The following RNGTT variants were observed in gnomAD, a reference collection of about 807,000 sequenced individuals.
RNGTT encodes RNA guanylyltransferase and 5'-phosphatase, also known as mRNA-capping enzyme.
Under a neutral mutation model 79.3 loss-of-function variants are expected in RNGTT, and 33 were observed. The ratio of observed to expected loss-of-function variants is 0.42; its 90% CI spans 0.32 to 0.56. The LOEUF is 0.56. RNGTT is among the 20% of genes least tolerant of loss of function. RNGTT has a pLI of 0.17. For synonymous variants in RNGTT, 222 were observed against 235.9 expected (o/e 0.94, Z 0.54); for missense variants, 497 against 739.1 (o/e 0.67, Z 3.80).
intron 1 of RNGTT, 100 bp from the exon 2 acceptor site, chr6:88,941,280 T>A: frequency 2.6e-6 from 2 of 781,500 alleles, no homozygotes; most frequent in Non-Finnish European, 4.2e-6. Flanking sequence ...TAAAACCTTT[T>A]TTTTTGAGAC....
chr6:88,652,558 C>T (rs1302072374), intron 14 of RNGTT, among the ~76,000 whole-genome samples: 1 of 152,192 alleles, frequency 6.6e-6, no homozygotes, highest in Non-Finnish European at 1.5e-5. Flanking sequence ...CAATCTCAAA[C>T]TTCTGAAGGT....
chr6:88,768,026 T>G (rs1174031285), intron 13 of RNGTT, among the ~76,000 whole-genome samples: 1 of 152,196 alleles, frequency 6.6e-6, no homozygotes, highest in Non-Finnish European at 1.5e-5. Flanking sequence ...ATCCTTGGAT[T>G]ATAATCAGAC....
intron 14 of RNGTT, among the ~76,000 whole-genome samples, chr6:88,642,236 G>A (rs1374831966): frequency 2.0e-5 from 3 of 152,226 alleles, no homozygotes; most frequent in East Asian, 3.9e-4. Flanking sequence ...TACTAATCAT[G>A]GACCACTTTT....
intron 8 of RNGTT, among the ~76,000 whole-genome samples, chr6:88,854,860 CT>C (rs1781793487): frequency 6.6e-6 from 1 of 152,120 alleles, no homozygotes; most frequent in South Asian, 2.1e-4. Flanking sequence ...TCCAGATGGA[CT>C]GATGTTGAAG....
chr6:88,849,583 CAAT>C (rs1308346728), intron 10 of RNGTT, among the ~76,000 whole-genome samples, 169 bp downstream of exon 10: 16 of 151,606 alleles, frequency 1.1e-4, no homozygotes, highest in African/African-American at 3.9e-4. Flanking sequence ...TGAAAATTAA[CAAT>C]AAGAGAAAGA....
intron 11 of RNGTT, among the ~76,000 whole-genome samples, chr6:88,802,357 T>C (rs992378440): frequency 6.6e-6 from 1 of 152,202 alleles, no homozygotes. Context: ...AACAGTTTTT[T>C]CAATGCCATA....
intron 10 of RNGTT, among the ~76,000 whole-genome samples, chr6:88,845,398 G>T (rs1320179813): frequency 6.6e-6 from 1 of 152,198 alleles, no homozygotes; most frequent in African/African-American, 2.4e-5. Context: ...GAACACTTTT[G>T]TATGAATTGA....
At chr6:88,868,392 G>C (rs1268056875) in intron 8 of RNGTT, among the ~76,000 whole-genome samples, 1 of 152,144 alleles carries the variant, frequency 6.6e-6, no homozygotes, top group African/African-American at 2.4e-5. Flanking sequence ...GGTTTATGCA[G>C]CCACCAGTGT....
chr6:88,782,335 T>C (rs1278136652), intron 12 of RNGTT, among the ~76,000 whole-genome samples: 1 of 152,020 alleles, frequency 6.6e-6, no homozygotes, highest in Non-Finnish European at 1.5e-5. Context: ...CCAAAATATA[T>C]ACTAACTACC....
chr6:88,839,606 A>G (rs376846791), intron 11 of RNGTT, among the ~76,000 whole-genome samples: 1 of 152,150 alleles, frequency 6.6e-6, no homozygotes. Flanking sequence ...TTATGGAGAT[A>G]GTAAGAATAT....
intron 13 of RNGTT, among the ~76,000 whole-genome samples, chr6:88,683,634 A>G (rs1404194539): frequency 6.6e-6 from 1 of 152,228 alleles, no homozygotes; most frequent in African/African-American, 2.4e-5. Flanking sequence ...CAAGCCACAG[A>G]CTGGGAAAAA....
chr6:88,720,472 T>C (rs962262866), intron 13 of RNGTT, among the ~76,000 whole-genome samples: 1 of 151,998 alleles, frequency 6.6e-6, no homozygotes, highest in African/African-American at 2.4e-5. Context: ...CTGGGAACAT[T>C]CTCCTGAGTC....
At chr6:88,931,943 T>C (rs1582146098) in intron 2 of RNGTT, among the ~76,000 whole-genome samples, 1 of 152,230 alleles carries the variant, frequency 6.6e-6, no homozygotes, top group Non-Finnish European at 1.5e-5. Flanking sequence ...GCGTGAGATC[T>C]GGGCACCTTG....
chr6:88,713,635 TTA>T (rs1368275887), intron 13 of RNGTT, among the ~76,000 whole-genome samples: 3 of 152,196 alleles, frequency 2.0e-5, no homozygotes, highest in Non-Finnish European at 4.4e-5. Context: ...TGTACTATAT[TTA>T]TGTTTGTTAT....
At chr6:88,826,735 A>G (rs1780666423) in intron 11 of RNGTT, among the ~76,000 whole-genome samples, 1 of 150,390 alleles carries the variant, frequency 6.6e-6, no homozygotes, top group Non-Finnish European at 1.5e-5. Context: ...ATGAGCCAAT[A>G]TCACACCATT....
At chr6:88,942,110 A>G (rs1230269449) in intron 1 of RNGTT, among the ~76,000 whole-genome samples, 1 of 150,818 alleles carries the variant, frequency 6.6e-6, no homozygotes, top group Admixed American at 6.6e-5. Flanking sequence ...TATGCCCTAT[A>G]TGGTTTTTAT....
rs758108155 is a variant in RNGTT at position 88,904,839 on chromosome 6, G to A, written c.560C>T (p.Pro187Leu). 6.2e-7 allele frequency: 1 copy of A among 1,613,944 alleles called. No individual in the cohort carries two copies. The highest frequency in any genetic ancestry group is 8.5e-7 in the Non-Finnish European group (1 of 1,180,036). ...CTCAAAACACCAATCTGGCAATAGAGGTGGGGGTGGTGCTTCCTCTATGTC... is the reference window on the plus strand; with the variant it reads ...CTCAAAACACCAATCTGGCAATAGAAGTGGGGGTGGTGCTTCCTCTATGTC... ...YGDIEEAPPP[P>L]LLPDWCFEDD... The change falls in exon 6 of 16, where the codon CCT (proline) becomes CTT (leucine). Residue 187 changes from proline (P) to leucine (L), a missense_variant. Pro to Leu is a moderately conservative substitution (Grantham distance 98). Coordinates refer to ENST00000369485, the MANE Select transcript of RNGTT (RefSeq NM_003800.5).
intron 14 of RNGTT, among the ~76,000 whole-genome samples, chr6:88,666,668 G>A (rs919789795): frequency 2.6e-5 from 4 of 152,176 alleles, no homozygotes; most frequent in Non-Finnish European, 2.9e-5. Context: ...CCGGACCTCC[G>A]GGACAAACCT....
At chr6:88,897,001 AACTCACATTGATTGAGTGCCGACAG>A (rs1783272357) in intron 6 of RNGTT, among the ~76,000 whole-genome samples, 3 of 152,192 alleles carry the variant, frequency 2.0e-5, no homozygotes, top group African/African-American at 7.2e-5. Context: ...GATTCAATAC[AACTCACATTGATTGAGTGCCGACAG>A]CATTCTAAAA....
Sources: allele counts gnomAD v4.1 joint callset (sites outside exome capture counted in the v4.1 genomes callset), GRCh38; gene constraint gnomAD v4.1.1; transcripts MANE v1.5; gene names NCBI Gene and HGNC (gene_info 2026-07-23, HGNC 2026-07-21).